Variants in LSM12 observed in about 807,000 individuals in gnomAD.
LSM12 encodes the protein LSM12 homolog, also known as protein LSM12.
For synonymous variants in LSM12, 74 were observed against 87.3 expected (o/e 0.85, Z 0.85); for missense variants, 108 against 238.9 (o/e 0.45, Z 3.61).
intron 2 of LSM12, 25 bp downstream of exon 2, chr17:44,063,776 G>A: frequency 6.2e-7 from 1 of 1,603,726 alleles, no homozygotes; most frequent in Non-Finnish European, 8.5e-7. Context: ...ATTTTAGAGA[G>A]CCAGATCTGC....
chr17:44,046,818 C>A (rs1413660619), intron 2 of LSM12, among the ~76,000 whole-genome samples: 5 of 147,696 alleles, frequency 3.4e-5, no homozygotes. Context: ...GCAACCTCCG[C>A]CTCTGGGGTT....
At chr17:44,047,286 A>G (rs373993013) in intron 2 of LSM12, among the ~76,000 whole-genome samples, 27 of 151,946 alleles carry the variant, frequency 1.8e-4, no homozygotes, top group African/African-American at 6.0e-4. Context: ...TTGCTCTGTC[A>G]CCCAGACTGG....
chr17:44,057,148 T>C (rs2049726139), intron 2 of LSM12, among the ~76,000 whole-genome samples: 1 of 148,972 alleles, frequency 6.7e-6, no homozygotes, highest in Admixed American at 6.7e-5. Context: ...AGAGTAAGAC[T>C]TTTTTTTTCT....
chr17:44,040,391 G>A, intron 2 of LSM12, 135 bp from the exon 3 acceptor site: 1 of 648,826 alleles, frequency 1.5e-6, no homozygotes, highest in African/African-American at 1.8e-5. Context: ...AATGAAAAGT[G>A]AAACAAATTT....
intron 1 of LSM12, among the ~76,000 whole-genome samples, chr17:44,065,528 G>A (rs908655156): frequency 1.3e-5 from 2 of 151,220 alleles, no homozygotes; most frequent in Non-Finnish European, 2.9e-5. Context: ...CATAAAAAGG[G>A]AAGCCGTGGC....
chr17:44,048,155 C>T (rs1342525836), intron 2 of LSM12, among the ~76,000 whole-genome samples: 1 of 151,870 alleles, frequency 6.6e-6, no homozygotes, highest in Admixed American at 6.6e-5. Context: ...TATGGCTTGT[C>T]TTTTCATTTT....
intron 2 of LSM12, among the ~76,000 whole-genome samples, chr17:44,052,819 T>C (rs1359420183): frequency 6.8e-6 from 1 of 146,968 alleles, no homozygotes; most frequent in Non-Finnish European, 1.5e-5. Flanking sequence ...AAACGTATAT[T>C]TTTATATAAA....
At chr17:44,041,780 T>C (rs2049498149) in intron 2 of LSM12, among the ~76,000 whole-genome samples, 1 of 152,172 alleles carries the variant, frequency 6.6e-6, no homozygotes, top group Non-Finnish European at 1.5e-5. Flanking sequence ...ATTCCAGAGG[T>C]ACAAATTTGT....
In LSM12 at chr17:44,040,152, G is replaced by A. The variant is rs754992269; in HGVS notation, c.363C>T (p.His121=). Residue 121 remains histidine, a synonymous_variant, in exon 3 of 5, where the codon CAC becomes CAT. Transcript: ENST00000293406. ...LEGQQLFQTI[H]KTIKDCKWQE... is the part of the protein sequence containing the mutation. ...CCTCTCCGATCCCAACTCACGTCTT[G>A]TGAATGGTCTGGAAGAGCTGCTGGC... The A allele has an allele frequency of 1.9e-6, 3 of 1,612,306 alleles. No homozygotes were observed. Among genetic ancestry groups the A allele is most frequent in the Non-Finnish European group, 2.5e-6 (3 of 1,178,484 alleles).
At chr17:44,058,701 G>A (rs566844052) in intron 2 of LSM12, among the ~76,000 whole-genome samples, 8 of 152,116 alleles carry the variant, frequency 5.3e-5, no homozygotes, top group Admixed American at 2.6e-4. Context: ...GCATGGTGGC[G>A]CACGCCTGTA....
intron 2 of LSM12, among the ~76,000 whole-genome samples, chr17:44,063,449 T>C (rs1463569514): frequency 1.3e-5 from 2 of 151,982 alleles, no homozygotes; most frequent in African/African-American, 4.8e-5. Context: ...TATATTCACG[T>C]ATGCACACAT....
At chr17:44,053,036 G>A (rs377643366) in intron 2 of LSM12, among the ~76,000 whole-genome samples, 3 of 152,090 alleles carry the variant, frequency 2.0e-5, no homozygotes, top group African/African-American at 7.2e-5. Flanking sequence ...AAATTGCAGA[G>A]GTGGACAAAC....
rs756074281 is a variant in LSM12 at position 44,037,424 on chromosome 17, A to G, written c.483T>C (p.His161=). ...CKGKEGSALS[H]VRKIVEKHFR... ...CTCCTTTACTTACTATTTTGCGTAC[A>G]TGGCTCAGTGCACTCCCCTCTTTGC... is the stretch of plus-strand genomic sequence containing the variant. The change falls in exon 4 of 5, where the codon CAT becomes CAC. Residue 161 remains histidine (H), a synonymous_variant. Coordinates refer to ENST00000293406, the MANE Select transcript of LSM12 (RefSeq NM_001371445.1). 3.7e-5 allele frequency: 59 copies of G among 1,594,332 alleles called. No homozygotes were observed. The highest frequency in any genetic ancestry group is 1.8e-4 in the Middle Eastern group (1 of 5,490).
chr17:44,039,414 G>T (rs1224531076), intron 3 of LSM12, among the ~76,000 whole-genome samples: 1 of 110,288 alleles, frequency 9.1e-6, no homozygotes, highest in Non-Finnish European at 1.7e-5. Context: ...TCGCTCTGTC[G>T]CCCAGGCCGG....
chr17:44,062,714 C>G (rs1028005888), intron 2 of LSM12, among the ~76,000 whole-genome samples: 3 of 151,872 alleles, frequency 2.0e-5, no homozygotes, highest in Non-Finnish European at 4.4e-5. Flanking sequence ...TGGTGAAACC[C>G]CATCTCTACT....
intron 2 of LSM12, among the ~76,000 whole-genome samples, chr17:44,041,331 ACAAAC>A (rs2049490755): frequency 5.5e-4 from 72 of 131,308 alleles, no homozygotes; most frequent in African/African-American, 1.7e-3. Flanking sequence ...ACACACACAC[ACAAAC>A]ACACACACAC....
intron 2 of LSM12, among the ~76,000 whole-genome samples, chr17:44,042,286 CA>C (rs941234454): frequency 3.2e-4 from 47 of 144,840 alleles, no homozygotes; most frequent in African/African-American, 9.8e-4. Flanking sequence ...GACTCCGTCT[CA>C]AAAAAAAAAT....
chr17:44,040,266 AAG>A lies in LSM12; in HGVS notation c.259-12_259-11del. ...GTGCTTTGCTGGCAAGCTAGGGTGG[AAG>A]AGAGGAAAGAGACTCAGAATAGGAT... On this transcript the variant is annotated splice_polypyrimidine_tract_variant and intron_variant, in intron 2 of 4. Coordinates refer to ENST00000293406, the MANE Select transcript of LSM12 (RefSeq NM_001371445.1). 1 of 1,592,110 alleles carries A rather than the reference AAG, an allele frequency of 6.3e-7. No homozygotes were observed. Among genetic ancestry groups the A allele is most frequent in the South Asian group, 1.1e-5 (1 of 90,568 alleles).
At chr17:44,066,728 G>A, upstream of LSM12, 3 of 1,089,930 alleles carry the variant, frequency 2.8e-6, no homozygotes, top group Non-Finnish European at 3.5e-6. Context: ...TGGTTGGGGC[G>A]GGATCCTAGG....
Sources: allele counts gnomAD v4.1 joint callset (sites outside exome capture counted in the v4.1 genomes callset), GRCh38; gene constraint gnomAD v4.1.1; transcripts MANE v1.5; gene names NCBI Gene and HGNC (gene_info 2026-07-23, HGNC 2026-07-21).